ARIH1: variants seen among roughly 807,000 people sequenced by gnomAD.
The protein encoded by ARIH1 is E3 ubiquitin-protein ligase ARIH1.
ARIH1 carries 8 observed loss-of-function variants against 85.0 expected under a neutral mutation model. The observed-to-expected ratio is 0.09, with a 90% confidence interval of 0.06 to 0.17. ARIH1 has a LOEUF of 0.17. Ranked by LOEUF, ARIH1 falls within the 10% of genes least tolerant of loss-of-function variation. The pLI, the probability that ARIH1 is intolerant of heterozygous loss-of-function variation, is 1.00. For missense variants in ARIH1, 311 were observed against 718.1 expected (o/e 0.43, Z 6.48); for synonymous variants, 238 against 253.6 (o/e 0.94, Z 0.59).
At chr15:72,490,093 T>A (rs1403144897) in intron 1 of ARIH1, among the ~76,000 whole-genome samples, 1 of 152,096 alleles carries the variant, frequency 6.6e-6, no homozygotes, top group Non-Finnish European at 1.5e-5. Context: ...CCAGTCACGG[T>A]GGTTCAAGCG....
intron 5 of ARIH1, 81 bp downstream of exon 5, chr15:72,555,988 G>T: frequency 8.1e-7 from 1 of 1,236,632 alleles, no homozygotes; most frequent in Non-Finnish European, 1.2e-6. Flanking sequence ...TACCTCAAAG[G>T]AAGTGAAACT....
intron 5 of ARIH1, among the ~76,000 whole-genome samples, chr15:72,560,135 T>C (rs1567356172): frequency 6.6e-6 from 1 of 152,218 alleles, no homozygotes; most frequent in Non-Finnish European, 1.5e-5. Flanking sequence ...TAAAAAATAT[T>C]AATTGAACAC....
chr15:72,540,848 A>T (rs2064103946), intron 2 of ARIH1, among the ~76,000 whole-genome samples: 1 of 152,192 alleles, frequency 6.6e-6, no homozygotes. Flanking sequence ...TTTTTAAAAA[A>T]GGTATTAACT....
At position 72,544,810 on chromosome 15, in the gene ARIH1, A is replaced by C. The variant is rs2064122148; in HGVS notation, c.444-10A>C. ...GCTGGGCTCTTATCCTTTCTGTTTAAATAATGCAGGTACTTTGATGGAAAC... is the reference window on the plus strand; with the variant it reads ...GCTGGGCTCTTATCCTTTCTGTTTACATAATGCAGGTACTTTGATGGAAAC... On this transcript the variant is annotated splice_polypyrimidine_tract_variant and intron_variant, in intron 2 of 13. Transcript: ENST00000379887. 6.2e-7 allele frequency: 1 copy of C among 1,606,954 alleles called. No homozygotes were observed. The highest frequency in any genetic ancestry group is 8.5e-7 in the Non-Finnish European group (1 of 1,175,164).
At chr15:72,577,105 C>T (rs535759016) in intron 11 of ARIH1, among the ~76,000 whole-genome samples, 3 of 152,052 alleles carry the variant, frequency 2.0e-5, no homozygotes, top group Admixed American at 1.3e-4. Context: ...GCCTCAGCCT[C>T]CCAAGTAGTT....
intron 1 of ARIH1, among the ~76,000 whole-genome samples, chr15:72,513,897 CAG>C (rs2063963085): frequency 7.0e-6 from 1 of 143,756 alleles, no homozygotes; most frequent in African/African-American, 2.6e-5. Context: ...CCGCCAAAGA[CAG>C]AGTCTTGTCT....
intron 5 of ARIH1, among the ~76,000 whole-genome samples, chr15:72,558,521 C>G (rs1438246578): frequency 6.6e-6 from 1 of 152,164 alleles, no homozygotes; most frequent in African/African-American, 2.4e-5. Flanking sequence ...AGGCTGTTCT[C>G]GAACTCCTGA....
At chr15:72,531,527 C>G (rs2064057133) in intron 2 of ARIH1, among the ~76,000 whole-genome samples, 1 of 152,118 alleles carries the variant, frequency 6.6e-6, no homozygotes, top group Non-Finnish European at 1.5e-5. Context: ...CTCAGCCTCC[C>G]AAAGTGCTGG....
At chr15:72,480,493 T>G (rs897510848) in intron 1 of ARIH1, among the ~76,000 whole-genome samples, 1 of 151,950 alleles carries the variant, frequency 6.6e-6, no homozygotes, top group Admixed American at 6.6e-5. Flanking sequence ...ACTCCTGACC[T>G]CAAATGATCG....
At chr15:72,514,984 C>CA (rs76209449) in intron 1 of ARIH1, among the ~76,000 whole-genome samples, 5,830 of 151,682 alleles carry the variant, frequency 0.038, 338 homozygotes, top group African/African-American at 0.13. Context: ...AAGACTCCAT[C>CA]AAAAAAACAA....
Position 72,583,356 on chromosome 15 carries a change from C to CA in ARIH1, c.*68dup, listed in dbSNP as rs2064302277. 2 of 1,335,424 alleles carry CA rather than the reference C, an allele frequency of 1.5e-6. No homozygotes were observed. Among genetic ancestry groups the CA allele is most frequent in the Non-Finnish European group, 2.1e-6 (2 of 940,066 alleles). 82.7% of individuals were successfully genotyped at this position (1,335,424 alleles called of 1,614,324 possible). A position where few individuals can be genotyped will look rare whatever the true frequency, so the allele number is the denominator to read the frequency against. ...ATCTAGAGTGCTCATGCAATTAAAA[C>CA]AAAACAAACACAAACAAGGAGGCAC... On this transcript the variant is annotated 3_prime_UTR_variant, in exon 14 of 14. Transcript: ENST00000379887.
At chr15:72,479,027 C>G (rs1184385039) in intron 1 of ARIH1, among the ~76,000 whole-genome samples, 1 of 151,884 alleles carries the variant, frequency 6.6e-6, no homozygotes. Flanking sequence ...TTTGTAGAGA[C>G]ACAGGGTCTT....
Position 72,510,766 on chromosome 15 carries a change from AAAAAGAC to A in ARIH1, c.376-7300_376-7294del, listed in dbSNP as rs1261173000. Among the ~76,000 whole-genome samples, 100 of 143,466 alleles carry A rather than the reference AAAAAGAC, an allele frequency of 7.0e-4. 1 individual carries two copies. The highest frequency in any genetic ancestry group is 2.6e-3 in the African/African-American group (96 of 37,240). 94.1% of individuals were successfully genotyped at this position (143,466 alleles called of 152,430 possible). ...AAAAAAAAAAAAAAAAAAAAAAAAAAAAAAGACTTTTTCCCCGTTGAATTGTTTTATC... is the reference window on the plus strand; with the variant it reads ...AAAAAAAAAAAAAAAAAAAAAAAAAATTTTTCCCCGTTGAATTGTTTTATC... On this transcript the variant is annotated intron_variant, in intron 1 of 13. Coordinates refer to ENST00000379887, the MANE Select transcript of ARIH1 (RefSeq NM_005744.5).
At chr15:72,566,740 TA>T in intron 8 of ARIH1, 135 bp downstream of exon 8, 2 of 767,106 alleles carry the variant, frequency 2.6e-6, no homozygotes, top group Non-Finnish European at 4.2e-6. Context: ...AGATGATCAT[TA>T]CATGTATTCA....
At chr15:72,548,335 A>G (rs1358354345) in intron 3 of ARIH1, among the ~76,000 whole-genome samples, 1 of 152,160 alleles carries the variant, frequency 6.6e-6, no homozygotes, top group Non-Finnish European at 1.5e-5. Flanking sequence ...GAACTGGGGG[A>G]TGGTAAATAG....
At chr15:72,509,868 G>A (rs2063942250) in intron 1 of ARIH1, among the ~76,000 whole-genome samples, 1 of 151,730 alleles carries the variant, frequency 6.6e-6, no homozygotes, top group South Asian at 2.1e-4. Flanking sequence ...GGGATTACAG[G>A]TGTGACACCA....
At chr15:72,475,672 C>T (rs1490390188) in intron 1 of ARIH1, among the ~76,000 whole-genome samples, 1 of 152,148 alleles carries the variant, frequency 6.6e-6, no homozygotes, top group African/African-American at 2.4e-5. Flanking sequence ...CTAGTCGTAG[C>T]AGATGACTTG....
At chr15:72,477,988 G>A (rs1250596868) in intron 1 of ARIH1, among the ~76,000 whole-genome samples, 2 of 152,026 alleles carry the variant, frequency 1.3e-5, no homozygotes, top group Non-Finnish European at 2.9e-5. Context: ...GCTAATTCTT[G>A]TGTTACAGGG....
intron 2 of ARIH1, among the ~76,000 whole-genome samples, chr15:72,519,475 GTTTTTTTTTTT>G (rs150165121): frequency 3.2e-5 from 2 of 62,544 alleles, no homozygotes; most frequent in Non-Finnish European, 5.6e-5. Flanking sequence ...TGTTTTTTTT[GTTTTTTTTTTT>G]TTTTTTTTTT....
Sources: allele counts gnomAD v4.1 joint callset (sites outside exome capture counted in the v4.1 genomes callset), GRCh38; gene constraint gnomAD v4.1.1; transcripts MANE v1.5; gene names NCBI Gene and HGNC (gene_info 2026-07-23, HGNC 2026-07-21).